ENTREP2: variants seen among roughly 807,000 people sequenced by gnomAD.
ENTREP2 encodes protein ENTREP2.
the ENTREP2 span, among the ~76,000 whole-genome samples, chr15:29,166,220 G>A: frequency 6.6e-6 from 1 of 152,112 alleles, no homozygotes; most frequent in Admixed American, 6.5e-5. Flanking sequence ...ACATAATACT[G>A]AATGGGGAAA....
At chr15:29,274,056 G>A in the ENTREP2 span, among the ~76,000 whole-genome samples, 2 of 152,126 alleles carry the variant, frequency 1.3e-5, no homozygotes, top group Admixed American at 6.5e-5. Context: ...AGAGAACCCT[G>A]ACTAATACAG....
At chr15:29,240,915 C>G in the ENTREP2 span, among the ~76,000 whole-genome samples, 1 of 152,130 alleles carries the variant, frequency 6.6e-6, no homozygotes, top group African/African-American at 2.4e-5. Context: ...TCATCATCAT[C>G]ATGATCATCA....
the ENTREP2 span, among the ~76,000 whole-genome samples, chr15:29,636,297 G>GT: frequency 6.6e-6 from 1 of 152,212 alleles, no homozygotes; most frequent in South Asian, 2.1e-4. Context: ...CCAATGGAAC[G>GT]TTAGCAGTTG....
the ENTREP2 span, among the ~76,000 whole-genome samples, chr15:29,579,058 C>A: frequency 6.6e-6 from 1 of 151,992 alleles, no homozygotes; most frequent in African/African-American, 2.4e-5. Flanking sequence ...AGGTGTTTTG[C>A]CTTTAGGGAA....
At chr15:29,636,923 C>T in the ENTREP2 span, among the ~76,000 whole-genome samples, 1 of 152,126 alleles carries the variant, frequency 6.6e-6, no homozygotes, top group South Asian at 2.1e-4. Context: ...TTCACATTTT[C>T]TATAATGTCA....
At chr15:29,229,037 G>T in the ENTREP2 span, among the ~76,000 whole-genome samples, 38 of 152,196 alleles carry the variant, frequency 2.5e-4, no homozygotes, top group African/African-American at 8.4e-4. Context: ...CTATGAAAAT[G>T]CTATGGAAAA....
At chr15:29,447,138 A>AAAAC in the ENTREP2 span, among the ~76,000 whole-genome samples, 4 of 152,254 alleles carry the variant, frequency 2.6e-5, no homozygotes, top group Non-Finnish European at 4.4e-5. Context: ...TTTGTTATTT[A>AAAAC]AAACACAAAT....
the ENTREP2 span, chr15:29,570,437 C>T: frequency 8.4e-6 from 9 of 1,071,052 alleles, no homozygotes; most frequent in East Asian, 1.1e-4. Context: ...TCCCGGCGGC[C>T]GCAGCGCCTA....
At chr15:29,195,050 G>C in the ENTREP2 span, 1 of 921,630 alleles carries the variant, frequency 1.1e-6, no homozygotes, top group Non-Finnish European at 1.3e-6. Flanking sequence ...ACTGACCCAG[G>C]CAGGCTCCAG....
At chr15:29,297,329 T>C in the ENTREP2 span, among the ~76,000 whole-genome samples, 31,867 of 152,076 alleles carry the variant, frequency 0.21, 4,118 homozygotes, top group Non-Finnish European at 0.29. Context: ...TAGGGAATAA[T>C]AATTGCAGGG....
chr15:29,490,785 T>C, the ENTREP2 span, among the ~76,000 whole-genome samples: 2 of 152,186 alleles, frequency 1.3e-5, no homozygotes, highest in Non-Finnish European at 2.9e-5. Context: ...AGTCCCCACC[T>C]GACTCAGGAG....
the ENTREP2 span, among the ~76,000 whole-genome samples, chr15:29,128,197 T>C: frequency 1.3e-5 from 2 of 152,202 alleles, no homozygotes; most frequent in Non-Finnish European, 2.9e-5. Context: ...TCTGGCTCAC[T>C]TGGCCTCCGT....
At chr15:29,125,575 C>T in the ENTREP2 span, among the ~76,000 whole-genome samples, 2 of 152,206 alleles carry the variant, frequency 1.3e-5, no homozygotes, top group Non-Finnish European at 2.9e-5. Context: ...TGCACTTCCA[C>T]TTCATGAAAA....
the ENTREP2 span, among the ~76,000 whole-genome samples, chr15:29,170,394 T>C: frequency 6.6e-6 from 1 of 151,708 alleles, no homozygotes; most frequent in Admixed American, 6.6e-5. Flanking sequence ...AAAGATACGA[T>C]TTACAATAGC....
the ENTREP2 span, among the ~76,000 whole-genome samples, chr15:29,483,567 C>T: frequency 1.3e-5 from 2 of 152,198 alleles, no homozygotes; most frequent in East Asian, 1.9e-4. Flanking sequence ...ACACACTATC[C>T]TTTTGCCCTT....
the ENTREP2 span, among the ~76,000 whole-genome samples, chr15:29,443,968 ATGG>A: frequency 6.6e-6 from 1 of 151,950 alleles, no homozygotes; most frequent in Non-Finnish European, 1.5e-5. Flanking sequence ...GCCAGGCGTG[ATGG>A]TGGGCGCCTG....
At chr15:29,206,276 G>A in the ENTREP2 span, among the ~76,000 whole-genome samples, 33 of 152,160 alleles carry the variant, frequency 2.2e-4, no homozygotes, top group African/African-American at 8.0e-4. Context: ...CTATTATAAA[G>A]GCACTAACCC....
the ENTREP2 span, among the ~76,000 whole-genome samples, chr15:29,599,571 C>G: frequency 6.6e-6 from 1 of 152,208 alleles, no homozygotes; most frequent in African/African-American, 2.4e-5. Context: ...GTTACTTAAG[C>G]TCCATAAGCC....
the ENTREP2 span, among the ~76,000 whole-genome samples, chr15:29,565,477 C>G: frequency 6.6e-6 from 1 of 151,752 alleles, no homozygotes; most frequent in Admixed American, 6.6e-5. Context: ...TTATTCCCAG[C>G]AGGAGAATAA....
Sources: gnomAD v4.1 joint callset for allele counts (sites outside exome capture counted in the v4.1 genomes callset) on GRCh38, gnomAD v4.1.1 for gene constraint, MANE v1.5 for transcripts, NCBI Gene and HGNC (gene_info 2026-07-23, HGNC 2026-07-21) for gene names.